The following IL1R1 variants were observed in gnomAD, a reference collection of about 807,000 sequenced individuals.
IL1R1 encodes interleukin 1 receptor type 1.
A neutral mutation model predicts 50.2 loss-of-function variants in IL1R1; 22 were observed. The observed-to-expected ratio is 0.44, with a 90% CI of 0.31 to 0.63. The LOEUF is 0.63. Among genes scored for constraint, IL1R1 ranks in the 20% least tolerant of loss-of-function variants. The pLI is 0.07. For missense variants in IL1R1, 509 were observed against 676.2 expected (o/e 0.75, Z 2.74); for synonymous variants, 251 against 236.7 (o/e 1.06, Z -0.55).
upstream of IL1R1, among the ~76,000 whole-genome samples, chr2:102,100,763 A>G (rs774964652): frequency 3.9e-5 from 6 of 152,144 alleles, no homozygotes; most frequent in Non-Finnish European, 8.8e-5. Context: ...AAACTCAGTA[A>G]TGGGTGTGGA....
intron 1 of IL1R1, among the ~76,000 whole-genome samples, chr2:102,143,369 C>G (rs924651572): frequency 6.6e-6 from 1 of 152,152 alleles, no homozygotes; most frequent in Non-Finnish European, 1.5e-5. Flanking sequence ...GGCTCAGGAC[C>G]GTCAGTCTCC....
chr2:102,103,390 T>C (rs149463348), upstream of IL1R1, among the ~76,000 whole-genome samples: 622 of 151,960 alleles, frequency 4.1e-3, 4 homozygotes, highest in African/African-American at 0.014. Flanking sequence ...GTGGTGTCAA[T>C]TGGCTAGGGT....
chr2:102,118,532 A>G (rs1681219315), intron 1 of IL1R1, among the ~76,000 whole-genome samples: 1 of 152,070 alleles, frequency 6.6e-6, no homozygotes, highest in Admixed American at 6.6e-5. Flanking sequence ...TGGCACTTGT[A>G]TTTGGTATCT....
intron 3 of IL1R1, 27 bp from the exon 4 acceptor site, chr2:102,164,746 AT>A: frequency 6.6e-7 from 1 of 1,511,374 alleles, no homozygotes; most frequent in African/African-American, 1.4e-5. Context: ...TTTTATGTAA[AT>A]TGCTTCCACC....
intron 1 of IL1R1, among the ~76,000 whole-genome samples, chr2:102,096,837 G>A (rs1331828964): frequency 6.6e-6 from 1 of 150,408 alleles, no homozygotes. Context: ...TTAAAGATGG[G>A]AGATTTTGCC....
In IL1R1 at chr2:102,088,035, GC is replaced by G. The variant is rs61137786; in HGVS notation, c.-84+17503del. 7.7e-3 allele frequency among the ~76,000 whole-genome samples: 1,167 copies of G among 152,290 alleles called. 12 individuals carry two copies. The highest frequency in any genetic ancestry group is 0.027 in the African/African-American group (1,118 of 41,546). On this transcript the variant is annotated intron_variant, in intron 1 of 11. Transcript: ENST00000409929. The stretch of plus-strand genomic sequence containing the variant: ...TTCTCTTGCTATTTTCACCACATCT[GC>G]AGTTACTTCCTCTACTGAAGTCTTG...
chr2:102,137,123 A>G (rs1248774045), intron 1 of IL1R1, among the ~76,000 whole-genome samples: 10 of 152,180 alleles, frequency 6.6e-5, no homozygotes, highest in Admixed American at 5.2e-4. Context: ...GTAATTGGAC[A>G]TTGCTCAGAG....
At chr2:102,074,310 T>C (rs555709402) in intron 1 of IL1R1, among the ~76,000 whole-genome samples, 70 of 151,326 alleles carry the variant, frequency 4.6e-4, no homozygotes, top group African/African-American at 1.6e-3. Flanking sequence ...TTTGGGCTGG[T>C]GAGGTTCCAT....
rs906367046 is a variant in IL1R1, at chr2:102,070,534, G to A, written c.-84+1G>A. On this transcript the variant is annotated splice_donor_variant, in intron 1 of 11. Transcript: ENST00000409929. LOFTEE classifies it low-confidence loss of function (5UTR_SPLICE). The stretch of plus-strand genomic sequence containing the variant: ...TCTCAAGCTGCTTGAGTCAATGAGG[G>A]TAAGGTTTTAAAGGGCCCGCCCTGG... The A allele has an allele frequency of 6.6e-6, 1 of 152,182 alleles. No individual in the cohort carries two copies. The highest frequency in any genetic ancestry group is 1.5e-5 in the Non-Finnish European group (1 of 68,042). 9.4% of individuals were successfully genotyped at this position (152,182 alleles called of 1,614,324 possible).
chr2:102,153,498 A>T (rs1414265354), intron 1 of IL1R1, among the ~76,000 whole-genome samples: 1 of 152,092 alleles, frequency 6.6e-6, no homozygotes, highest in Middle Eastern at 3.2e-3. Context: ...GACCTTTCTG[A>T]CACCTTGATA....
In IL1R1 at chr2:102,174,774, G is replaced by T. The variant is rs1407031538; in HGVS notation, c.1135+44G>T. 3 of 1,511,782 alleles carry T rather than the reference G, an allele frequency of 2.0e-6. No individual in the cohort carries two copies. The East Asian group carries it at 6.9e-5, about 35-fold the overall frequency. 93.6% of individuals were successfully genotyped at this position (1,511,782 alleles called of 1,614,324 possible). A position where few individuals can be genotyped will look rare whatever the true frequency, so the allele number is the denominator to read the frequency against. ...TGCAGTATTTCTTGTTGGAGATAAGGGATAGTTAGGAGATGTAGAAGATGA... is the reference window on the plus strand; with the variant it reads ...TGCAGTATTTCTTGTTGGAGATAAGTGATAGTTAGGAGATGTAGAAGATGA... On this transcript the variant is annotated intron_variant, in intron 10 of 11. Coordinates refer to ENST00000410023, the MANE Select transcript of IL1R1 (RefSeq NM_000877.4).
chr2:102,073,520 T>A (rs1165264117), intron 1 of IL1R1, among the ~76,000 whole-genome samples: 1 of 152,172 alleles, frequency 6.6e-6, no homozygotes, highest in Non-Finnish European at 1.5e-5. Flanking sequence ...TAGAGGAGAC[T>A]GATGATGATT....
intron 10 of IL1R1, among the ~76,000 whole-genome samples, chr2:102,174,997 G>A (rs1458609578): frequency 1.3e-5 from 2 of 152,074 alleles, no homozygotes; most frequent in Admixed American, 1.3e-4. Flanking sequence ...TTATGCACAA[G>A]CCATTGGTAG....
At chr2:102,145,388 A>G (rs1449055191) in intron 1 of IL1R1, among the ~76,000 whole-genome samples, 2 of 152,158 alleles carry the variant, frequency 1.3e-5, no homozygotes, top group Admixed American at 1.3e-4. Context: ...TGCCTAGTGC[A>G]GGGAGCATGT....
At chr2:102,117,066 G>A (rs570668563) in intron 1 of IL1R1, among the ~76,000 whole-genome samples, 3 of 152,254 alleles carry the variant, frequency 2.0e-5, no homozygotes, top group East Asian at 3.9e-4. Flanking sequence ...AAATATTGAC[G>A]TCTTGGTTTT....
rs202196124 is a variant in IL1R1 at position 102,177,921 on chromosome 2, A to C, written c.*1162A>C. 4 of 152,906 alleles carry C rather than the reference A, an allele frequency of 2.6e-5. No individual in the cohort carries two copies. The highest frequency in any genetic ancestry group is 9.7e-5 in the African/African-American group (4 of 41,340). 9.5% of individuals were successfully genotyped at this position (152,906 alleles called of 1,614,324 possible). The stretch of plus-strand genomic sequence containing the variant: ...TGCTGAAACACCTCCCAGGGGCTCC[A>C]CCTGTTCAGGAGCTGAAGCCCATGC... On this transcript the variant is annotated 3_prime_UTR_variant, in exon 12 of 12. Transcript: ENST00000410023.
intron 1 of IL1R1, among the ~76,000 whole-genome samples, chr2:102,092,349 C>T (rs113390826): frequency 5.3e-5 from 8 of 152,016 alleles, no homozygotes; most frequent in Admixed American, 1.3e-4. Flanking sequence ...CGCTCCTAGT[C>T]GTTTTCTTAG....
intron 1 of IL1R1, among the ~76,000 whole-genome samples, chr2:102,131,383 C>A (rs1682020731): frequency 6.6e-6 from 1 of 152,022 alleles, no homozygotes; most frequent in Non-Finnish European, 1.5e-5. Context: ...GATAATAATG[C>A]AGAGGAAAAT....
At chr2:102,093,894 G>A (rs981251465) in intron 1 of IL1R1, among the ~76,000 whole-genome samples, 54 of 152,234 alleles carry the variant, frequency 3.5e-4, no homozygotes, top group African/African-American at 1.2e-3. Context: ...GGGCATCCCC[G>A]CGGGACCAGT....
Sources: gnomAD v4.1 joint callset for allele counts (sites outside exome capture counted in the v4.1 genomes callset) on GRCh38, gnomAD v4.1.1 for gene constraint, MANE v1.5 for transcripts, NCBI Gene and HGNC (gene_info 2026-07-23, HGNC 2026-07-21) for gene names.